Variants in ZFP91 observed in about 807,000 individuals in gnomAD.
ZFP91 encodes ZFP91 zinc finger protein, atypical E3 ubiquitin ligase, also known as E3 ubiquitin-protein ligase ZFP91.
In ZFP91, 7 loss-of-function variants were observed where a neutral mutation model predicts 63.5. That is an observed-to-expected ratio of 0.11 (90% CI 0.06 to 0.21). The LOEUF (loss-of-function observed/expected upper bound fraction) is 0.21. Among genes scored for constraint, ZFP91 ranks in the 10% least tolerant of loss-of-function variants. The pLI is 1.00. For synonymous variants in ZFP91, 330 were observed against 272.1 expected, an observed-to-expected ratio of 1.21 and a Z score of -2.10; for missense variants, 628 against 736.6, an observed-to-expected ratio of 0.85 and a Z score of 1.71.
At chr11:58,606,489 T>C (rs1855572158) in intron 2 of ZFP91, among the ~76,000 whole-genome samples, 1 of 152,236 alleles carries the variant, frequency 6.6e-6, no homozygotes, top group Admixed American at 6.5e-5. Context: ...TCTTTAGTTC[T>C]TTAAACATTG....
Position 58,579,601 on chromosome 11 carries a change from G to T in ZFP91, c.320G>T (p.Gly107Val), listed in dbSNP as rs1475214047. The T allele has an allele frequency of 1.9e-6, 3 of 1,574,894 alleles. No individual in the cohort carries two copies. Among genetic ancestry groups the T allele is most frequent in the Admixed American group, 3.6e-5 (2 of 54,866 alleles). Residue 107 changes from glycine to valine, a missense_variant, in exon 1 of 11, where the codon GGC becomes GTC. Physicochemically the swap from Gly to Val is moderately radical, Grantham distance 109 (BLOSUM62 -3). Transcript: ENST00000316059. ...GCGAAGTCCCCGTCTCCAGTTCAGG[G>T]CAAGAAGAGTCCGCGACTCCTGTGA... The part of the protein sequence containing the change: ...QAAKSPSPVQ[G>V]KKSPRLLCIE...
chr11:58,599,827 G>A (rs555116147), intron 2 of ZFP91, among the ~76,000 whole-genome samples: 5 of 151,942 alleles, frequency 3.3e-5, no homozygotes, highest in Non-Finnish European at 7.4e-5. Flanking sequence ...TAGCTCCTGT[G>A]TTTAGGTCTT....
chr11:58,617,930 G>A lies in ZFP91; in HGVS notation c.*224G>A. The A allele has an allele frequency of 2.0e-6, 1 of 497,298 alleles. No individual in the cohort carries two copies. Among genetic ancestry groups the A allele is most frequent in the East Asian group, 3.8e-5 (1 of 26,504 alleles). The allele number at this position is 497,298 out of a possible 1,614,324, so 30.8% of individuals were successfully genotyped here. On this transcript the variant is annotated 3_prime_UTR_variant, in exon 11 of 11. Transcript: ENST00000316059. The surrounding 1 kb of genome is among the most constrained non-coding windows in gnomAD (Gnocchi z 4.2). ...AATTGATGTTGTCTTTACCAGAAAG[G>A]TAGACAAAAAAGAAGCAGCAGCAGC...
In ZFP91 at chr11:58,618,660, A is replaced by G. The variant is rs976399128; in HGVS notation, c.*954A>G. ...ATTATTTTGACATGGGATCCCTTCC[A>G]TAACAGGTACTTTGAAGGCAAGACA... is the stretch of plus-strand genomic sequence containing the variant. On this transcript the variant is annotated 3_prime_UTR_variant, in exon 11 of 11. Transcript: ENST00000316059. 8.8e-6 allele frequency: 4 copies of G among 456,488 alleles called. No homozygotes were observed. Among genetic ancestry groups the G allele is most frequent in the Non-Finnish European group, 1.8e-5 (4 of 226,934 alleles). The allele number at this position is 456,488 out of a possible 1,614,324, so 28.3% of individuals were successfully genotyped here. A position where few individuals can be genotyped will look rare whatever the true frequency, so the allele number is the denominator to read the frequency against.
chr11:58,616,341 G>T (rs1855748546), intron 9 of ZFP91, among the ~76,000 whole-genome samples: 2 of 151,430 alleles, frequency 1.3e-5, no homozygotes, highest in African/African-American at 4.9e-5. Flanking sequence ...AGTTTTCATT[G>T]TCTGTGAAAA....
At chr11:58,612,608 T>C (rs1855684809) in intron 7 of ZFP91, 154 bp from the exon 8 acceptor site, 3 of 658,956 alleles carry the variant, frequency 4.6e-6, no homozygotes, top group Non-Finnish European at 7.7e-6. Flanking sequence ...TTACTTCTAA[T>C]ACAAATTCTG....
rs1855033408 is a variant in ZFP91 at position 58,579,224 on chromosome 11, G to C, written c.-58G>C. 11 of 1,339,984 alleles carry C rather than the reference G, an allele frequency of 8.2e-6. No homozygotes were observed. The highest frequency in any genetic ancestry group is 4.7e-5 in the African/African-American group (3 of 63,358). 83.0% of individuals were successfully genotyped at this position (1,339,984 alleles called of 1,614,324 possible). A position where few individuals can be genotyped will look rare whatever the true frequency, so the allele number is the denominator to read the frequency against. ...GAGGGGGCGGGGGGAGCAGCGCCGA[G>C]GCCGCCGCCTCCGCCTCCGCCGCCT... On this transcript the variant is annotated 5_prime_UTR_variant, in exon 1 of 11. Transcript: ENST00000316059.
intron 7 of ZFP91, 56 bp from the exon 8 acceptor site, chr11:58,612,706 G>A: frequency 7.2e-7 from 1 of 1,390,220 alleles, no homozygotes; most frequent in Non-Finnish European, 1.0e-6. Flanking sequence ...AGAGGCCACT[G>A]TGCAGAGTAC....
chr11:58,590,319 G>T (rs568824484), intron 2 of ZFP91, among the ~76,000 whole-genome samples: 2 of 152,298 alleles, frequency 1.3e-5, no homozygotes, highest in African/African-American at 4.8e-5. Context: ...CCGGGCAAAG[G>T]CTTCTTTAGC....
chr11:58,611,588 G>A lies in ZFP91; in HGVS notation c.723-16G>A, dbSNP rs1855663645. ...AAGATCTTTTGTCTAGTATTGAAAT[G>A]CATTTGTGTTTTCAGGGAAACCCCA... On this transcript the variant is annotated splice_polypyrimidine_tract_variant and intron_variant, in intron 5 of 10. Coordinates refer to ENST00000316059, the MANE Select transcript of ZFP91 (RefSeq NM_053023.5). 1 of 1,610,000 alleles carries A rather than the reference G, an allele frequency of 6.2e-7. No homozygotes were observed. The highest frequency in any genetic ancestry group is 2.2e-5 in the East Asian group (1 of 44,736).
intron 2 of ZFP91, among the ~76,000 whole-genome samples, chr11:58,605,128 T>C (rs2134412438): frequency 6.6e-6 from 1 of 152,340 alleles, no homozygotes. Context: ...GGGGATTGCA[T>C]TTAGTACTTT....
In ZFP91 at chr11:58,579,122, G is replaced by A. The variant is rs1590603362; in HGVS notation, c.-160G>A. ...ACCTTGAGTGGCAGGGGGTGGGGGG[G>A]GCGCCCTCGGAGCCGGGCGGAGGGG... is the stretch of plus-strand genomic sequence containing the variant. On this transcript the variant is annotated 5_prime_UTR_variant, in exon 1 of 11. Transcript: ENST00000316059. 1.3e-5 allele frequency: 7 copies of A among 534,064 alleles called. No individual in the cohort carries two copies. In the East Asian group the frequency reaches 1.9e-4, roughly 14 times the overall value. The allele number at this position is 534,064 out of a possible 1,614,324, so 33.1% of individuals were successfully genotyped here.
In ZFP91 at chr11:58,610,320, TC is replaced by T; in HGVS notation, c.605del (p.Pro202GlnfsTer17). ...TAGATGTTGGAGAAGAGCATCAGTC[TC>T]CAGGTGGCATTAGGTAAAAAAAACA... ...DYDVGEEHQS[P>X]GGISSEEEEE... On this transcript the variant is annotated frameshift_variant, in exon 4 of 11. Transcript: ENST00000316059. LOFTEE classifies it high-confidence loss of function. 6.3e-7 allele frequency: 1 copy of T among 1,597,046 alleles called. No individual in the cohort carries two copies. Among genetic ancestry groups the T allele is most frequent in the Non-Finnish European group, 8.5e-7 (1 of 1,175,068 alleles).
chr11:58,582,726 T>G (rs556374992), intron 1 of ZFP91, among the ~76,000 whole-genome samples: 99 of 152,328 alleles, frequency 6.5e-4, no homozygotes, highest in Non-Finnish European at 6.2e-4. Context: ...CATTTATAAT[T>G]GATATTTTAT....
chr11:58,580,545 C>A (rs1855095803), intron 1 of ZFP91, among the ~76,000 whole-genome samples: 1 of 152,176 alleles, frequency 6.6e-6, no homozygotes, highest in Non-Finnish European at 1.5e-5. Flanking sequence ...TTAGTAAAAA[C>A]AGAGAAAATT....
Position 58,579,633 on chromosome 11 carries a change from G to C in ZFP91, c.341+11G>C, listed in dbSNP as rs1214924468. ...GAGTCCGCGACTCCTGTGAGTAACA[G>C]TCTTTCAGGCGGTGGGAAAGACCCC... On this transcript the variant is annotated intron_variant, in intron 1 of 10. Transcript: ENST00000316059. 1 of 1,547,574 alleles carries C rather than the reference G, an allele frequency of 6.5e-7. No individual in the cohort carries two copies. The highest frequency in any genetic ancestry group is 8.7e-7 in the Non-Finnish European group (1 of 1,154,166).
chr11:58,597,331 CA>C (rs1356965944), intron 2 of ZFP91, among the ~76,000 whole-genome samples: 1 of 152,158 alleles, frequency 6.6e-6, no homozygotes, highest in Admixed American at 6.6e-5. Flanking sequence ...CTTACTTCCC[CA>C]CCTTACTAAT....
At chr11:58,580,411 A>G (rs1436801605) in intron 1 of ZFP91, among the ~76,000 whole-genome samples, 2 of 152,236 alleles carry the variant, frequency 1.3e-5, no homozygotes, top group East Asian at 3.8e-4. Context: ...GTTCGTTAAA[A>G]TAATACTCAT....
At chr11:58,600,672 C>G (rs1261841322) in intron 2 of ZFP91, among the ~76,000 whole-genome samples, 1 of 152,014 alleles carries the variant, frequency 6.6e-6, no homozygotes, top group East Asian at 1.9e-4. Context: ...AATTACTTGG[C>G]TAGAACTTCC....
Sources: allele counts gnomAD v4.1 joint callset (sites outside exome capture counted in the v4.1 genomes callset), GRCh38; gene constraint gnomAD v4.1.1; non-coding constraint Gnocchi (gnomAD v3.1); transcripts MANE v1.5; gene names NCBI Gene and HGNC (gene_info 2026-07-23, HGNC 2026-07-21).